The following NEK11 variants were observed in gnomAD, a reference collection of about 807,000 sequenced individuals.
The protein encoded by NEK11 is serine/threonine-protein kinase Nek11.
Under a neutral mutation model 80.7 loss-of-function variants are expected in NEK11, and 72 were observed. The ratio of observed to expected loss-of-function variants is 0.89; its 90% CI spans 0.74 to 1.08. The LOEUF is 1.08. NEK11 is among the 50% of genes least tolerant of loss of function. NEK11 has a pLI of 0.00. For synonymous variants in NEK11, 251 were observed against 260.7 expected (o/e 0.96, Z 0.36); for missense variants, 764 against 763.6 (o/e 1.00, Z -0.01).
At chr3:131,293,236 C>T (rs1194885927) in intron 17 of NEK11, among the ~76,000 whole-genome samples, 5 of 151,880 alleles carry the variant, frequency 3.3e-5, no homozygotes, top group Admixed American at 2.6e-4. Flanking sequence ...TTGTAGATAT[C>T]CTTTATCAGG....
intron 7 of NEK11, among the ~76,000 whole-genome samples, chr3:131,143,762 CATT>C (rs149640499): frequency 0.059 from 8,904 of 151,998 alleles, 808 homozygotes; most frequent in African/African-American, 0.2. Flanking sequence ...CAATGTTTTT[CATT>C]ATATTTATTT....
chr3:131,249,782 C>T (rs745377122), intron 16 of NEK11, among the ~76,000 whole-genome samples: 6 of 152,176 alleles, frequency 3.9e-5, no homozygotes, highest in South Asian at 4.1e-4. Flanking sequence ...TGGGAATGAG[C>T]GCTACCAGTT....
chr3:131,181,510 G>T (rs2093339213), intron 14 of NEK11, among the ~76,000 whole-genome samples: 1 of 152,094 alleles, frequency 6.6e-6, no homozygotes, highest in African/African-American at 2.4e-5. Context: ...ACTTTGGGAG[G>T]CCAAGGCGGG....
At chr3:131,236,711 C>T (rs1298161541) in intron 15 of NEK11, among the ~76,000 whole-genome samples, 1 of 152,188 alleles carries the variant, frequency 6.6e-6, no homozygotes, top group African/African-American at 2.4e-5. Flanking sequence ...ACCGCACACA[C>T]TTTAAGGCAG....
Position 131,228,593 on chromosome 3 carries a change from G to A in NEK11, c.1465G>A (p.Glu489Lys), listed in dbSNP as rs746655708. The change falls in exon 15 of 18, where the codon GAG (glutamate) becomes AAG (lysine). Residue 489 changes from glutamate to lysine, a missense_variant. By Grantham distance (56) the Glu-to-Lys change is moderately conservative. Transcript: ENST00000383366. ...YADAFDSYCE[E>K]SDEEEEEIAL... ...TGATGCATTTGATTCCTATTGTGAA[G>A]AGAGTGATGAGGAGGAAGAAGAAAT... 8 of 1,613,692 alleles carry A rather than the reference G, an allele frequency of 5.0e-6. No individual in the cohort carries two copies. Among genetic ancestry groups the A allele is most frequent in the Non-Finnish European group, 6.8e-6 (8 of 1,179,662 alleles).
intron 2 of NEK11, among the ~76,000 whole-genome samples, chr3:131,029,168 C>T (rs915914642): frequency 6.6e-6 from 1 of 152,166 alleles, no homozygotes; most frequent in African/African-American, 2.4e-5. Context: ...CTGCTAATTC[C>T]TTGTTTAATC....
chr3:131,291,616 TG>T (rs2096544289), intron 17 of NEK11, among the ~76,000 whole-genome samples: 1 of 152,188 alleles, frequency 6.6e-6, no homozygotes, highest in African/African-American at 2.4e-5. Flanking sequence ...CAGCATTTGG[TG>T]TTGTCAGTGT....
intron 14 of NEK11, among the ~76,000 whole-genome samples, chr3:131,176,106 G>T (rs2092997676): frequency 6.6e-6 from 1 of 152,176 alleles, no homozygotes; most frequent in African/African-American, 2.4e-5. Context: ...AGTCTTTATA[G>T]TTGGGGGTGG....
At chr3:131,088,234 A>G (rs1231641393) in intron 4 of NEK11, 4 of 152,178 alleles carry the variant, frequency 2.6e-5, no homozygotes, top group South Asian at 2.1e-4. Context: ...ACGAGTGTCT[A>G]ATGTTTTTAT....
chr3:131,297,054 T>G (rs1174444717), intron 17 of NEK11, among the ~76,000 whole-genome samples: 1 of 152,228 alleles, frequency 6.6e-6, no homozygotes, highest in Admixed American at 6.5e-5. Context: ...CTTAATCCAG[T>G]CTATCATTGT....
At chr3:131,291,854 G>A (rs1294047670) in intron 17 of NEK11, among the ~76,000 whole-genome samples, 1 of 152,120 alleles carries the variant, frequency 6.6e-6, no homozygotes, top group Non-Finnish European at 1.5e-5. Flanking sequence ...CCCCTTATCA[G>A]ATAAGTGTTT....
intron 4 of NEK11, among the ~76,000 whole-genome samples, chr3:131,100,074 G>A (rs534405666): frequency 1.3e-5 from 2 of 152,302 alleles, no homozygotes; most frequent in South Asian, 2.1e-4. Context: ...TTGCCATTCA[G>A]TATGATGTTG....
chr3:131,242,318 G>C (rs2095532127), intron 15 of NEK11, among the ~76,000 whole-genome samples: 1 of 152,130 alleles, frequency 6.6e-6, no homozygotes, highest in Non-Finnish European at 1.5e-5. Context: ...CATCAACAAA[G>C]AAGCCGTTGT....
At chr3:131,102,294 G>A (rs2078490341) in intron 4 of NEK11, among the ~76,000 whole-genome samples, 1 of 152,146 alleles carries the variant, frequency 6.6e-6, no homozygotes. Flanking sequence ...GCCTATGTGT[G>A]TTTTTGTGGT....
intron 2 of NEK11, among the ~76,000 whole-genome samples, chr3:131,028,305 C>T (rs540996496): frequency 1.3e-5 from 2 of 152,238 alleles, no homozygotes; most frequent in East Asian, 1.9e-4. Flanking sequence ...TTGTGGTTGA[C>T]GGACACCACC....
At chr3:131,167,584 A>G (rs1170544761) in intron 12 of NEK11, among the ~76,000 whole-genome samples, 1 of 152,294 alleles carries the variant, frequency 6.6e-6, no homozygotes, top group East Asian at 1.9e-4. Context: ...CCTCTTATAA[A>G]TCAAGGTCCT....
At chr3:131,312,075 T>A (rs962854474) in intron 17 of NEK11, among the ~76,000 whole-genome samples, 4 of 152,182 alleles carry the variant, frequency 2.6e-5, no homozygotes, top group Admixed American at 6.5e-5. Context: ...CCATAAAATT[T>A]GAATTGTCCA....
chr3:131,177,135 T>C (rs76972573), intron 14 of NEK11, among the ~76,000 whole-genome samples: 3,822 of 152,314 alleles, frequency 0.025, 168 homozygotes, highest in African/African-American at 0.088. Flanking sequence ...GGTTTCACAG[T>C]TGTGCTCCAT....
intron 4 of NEK11, among the ~76,000 whole-genome samples, chr3:131,087,397 C>A (rs1211891102): frequency 1.3e-5 from 2 of 152,038 alleles, no homozygotes; most frequent in Admixed American, 1.3e-4. Flanking sequence ...GCGCGTGCCA[C>A]CACGCCCAGC....
Sources: allele counts gnomAD v4.1 joint callset (sites outside exome capture counted in the v4.1 genomes callset), GRCh38; gene constraint gnomAD v4.1.1; transcripts MANE v1.5; gene names NCBI Gene and HGNC (gene_info 2026-07-23, HGNC 2026-07-21).